The following SMCHD1 variants were observed in gnomAD, a reference collection of about 807,000 sequenced individuals.
The protein encoded by SMCHD1 is structural maintenance of chromosomes flexible hinge domain-containing protein 1.
Under a neutral mutation model 254.7 loss-of-function variants are expected in SMCHD1, and 78 were observed. That is an observed-to-expected ratio of 0.31 (90% confidence interval 0.26 to 0.37). SMCHD1 has a LOEUF of 0.37. Among genes scored for constraint, SMCHD1 ranks in the 10% least tolerant of loss-of-function variants. The pLI is 1.00. For synonymous variants in SMCHD1, 766 were observed against 794.9 expected (o/e 0.96, Z 0.61); for missense variants, 1,840 against 2,408.1 (o/e 0.76, Z 4.94).
chr18:2,694,727 T>A, intron 8 of SMCHD1, 34 bp downstream of exon 8: 1 of 1,586,058 alleles, frequency 6.3e-7, no homozygotes, highest in Non-Finnish European at 8.6e-7. Flanking sequence ...GAAATGTTGC[T>A]ACTTAACTTT....
In SMCHD1 at chr18:2,666,426, A is replaced by G. The variant is rs181862430; in HGVS notation, c.262+194A>G. Among the ~76,000 whole-genome samples, 28 of 152,362 alleles carry G rather than the reference A, an allele frequency of 1.8e-4. No individual in the cohort carries two copies. The East Asian group carries it at 5.4e-3, about 29-fold the overall frequency. On this transcript the variant is annotated intron_variant, in intron 2 of 47. Transcript: ENST00000320876. Reference sequence around the variant, plus strand: ...ATTTTTCAAGCTTGATTATAGAAAAATAGTTGATATCAGTTATGGCTACAG... The same window carrying G: ...ATTTTTCAAGCTTGATTATAGAAAAGTAGTTGATATCAGTTATGGCTACAG...
At chr18:2,755,363 G>A (rs567194598) in intron 34 of SMCHD1, among the ~76,000 whole-genome samples, 69 of 151,946 alleles carry the variant, frequency 4.5e-4, no homozygotes, top group African/African-American at 1.1e-3. Context: ...GTGGACTCAA[G>A]GTCTCATTGC....
At chr18:2,762,340 A>G in intron 36 of SMCHD1, 104 bp downstream of exon 36, 2 of 1,081,302 alleles carry the variant, frequency 1.8e-6, no homozygotes, top group African/African-American at 3.1e-5. Flanking sequence ...TACTCTGATT[A>G]AGGTTATAGG....
At chr18:2,680,040 A>T (rs1255798458) in intron 5 of SMCHD1, among the ~76,000 whole-genome samples, 1 of 152,064 alleles carries the variant, frequency 6.6e-6, no homozygotes, top group East Asian at 1.9e-4. Flanking sequence ...ATTTCTATTC[A>T]GTTCTTTTTT....
At chr18:2,662,897 A>G (rs2073334998) in intron 1 of SMCHD1, among the ~76,000 whole-genome samples, 1 of 152,166 alleles carries the variant, frequency 6.6e-6, no homozygotes, top group East Asian at 1.9e-4. Flanking sequence ...AAAGTATGCC[A>G]AATTAATTAC....
intron 47 of SMCHD1, among the ~76,000 whole-genome samples, chr18:2,801,692 T>G (rs1366193087): frequency 1.2e-4 from 19 of 152,192 alleles, no homozygotes; most frequent in Admixed American, 1.2e-3. Context: ...ATATGTATAC[T>G]GAATATATAT....
chr18:2,750,197 A>G, intron 31 of SMCHD1, 75 bp downstream of exon 31: 1 of 1,444,814 alleles, frequency 6.9e-7, no homozygotes, highest in Non-Finnish European at 9.5e-7. Flanking sequence ...AGTTACAGCT[A>G]ATGACTATCC....
chr18:2,786,269 C>T (rs540501629), intron 45 of SMCHD1, among the ~76,000 whole-genome samples: 18 of 152,238 alleles, frequency 1.2e-4, no homozygotes, highest in Middle Eastern at 3.4e-3. Flanking sequence ...GAATTACAGG[C>T]GTGAGGCACC....
At chr18:2,733,130 T>C (rs2075174881) in intron 25 of SMCHD1, among the ~76,000 whole-genome samples, 2 of 152,230 alleles carry the variant, frequency 1.3e-5, no homozygotes, top group Non-Finnish European at 2.9e-5. Flanking sequence ...CCTTTGATGG[T>C]TGACTGAAAG....
chr18:2,682,286 C>T (rs762469310), intron 5 of SMCHD1, among the ~76,000 whole-genome samples: 14 of 150,750 alleles, frequency 9.3e-5, no homozygotes, highest in Non-Finnish European at 1.9e-4. Context: ...ATCCTCTTCG[C>T]TGATAACTTT....
chr18:2,763,542 G>A, intron 36 of SMCHD1, 95 bp from the exon 37 acceptor site: 2 of 979,198 alleles, frequency 2.0e-6, no homozygotes, highest in Non-Finnish European at 2.9e-6. Context: ...TTTAATGTTG[G>A]GGGCTCTCTG....
At chr18:2,656,620 T>C (rs955905826) in intron 1 of SMCHD1, among the ~76,000 whole-genome samples, 2 of 152,270 alleles carry the variant, frequency 1.3e-5, no homozygotes, top group East Asian at 1.9e-4. Flanking sequence ...TGTCTGTTTT[T>C]ACTTTGTAAC....
At chr18:2,734,447 G>T (rs2075206257) in intron 25 of SMCHD1, among the ~76,000 whole-genome samples, 1 of 151,822 alleles carries the variant, frequency 6.6e-6, no homozygotes, top group Middle Eastern at 3.4e-3. Context: ...CTTCTTCATT[G>T]ACAGTAAAAG....
chr18:2,679,549 G>A (rs1231543269), intron 5 of SMCHD1, among the ~76,000 whole-genome samples: 4 of 144,464 alleles, frequency 2.8e-5, no homozygotes, highest in Non-Finnish European at 1.5e-5. Context: ...GAATATGTTC[G>A]TTCACTGCCT....
intron 1 of SMCHD1, among the ~76,000 whole-genome samples, chr18:2,662,165 CAAAAAA>C (rs748303423): frequency 5.0e-4 from 29 of 58,310 alleles, no homozygotes; most frequent in African/African-American, 1.5e-3. Flanking sequence ...GACTCCGTCT[CAAAAAA>C]AAAAAAATAA....
chr18:2,757,329 G>C (rs977903751), intron 34 of SMCHD1, among the ~76,000 whole-genome samples: 6 of 151,822 alleles, frequency 4.0e-5, no homozygotes, highest in South Asian at 4.2e-4. Flanking sequence ...TCCCACCTTA[G>C]TCTCCTTAGT....
intron 10 of SMCHD1, among the ~76,000 whole-genome samples, chr18:2,698,319 C>T (rs1379294809): frequency 1.3e-5 from 2 of 152,010 alleles, no homozygotes; most frequent in African/African-American, 4.8e-5. Flanking sequence ...TTATATGTTC[C>T]CTTGTCTTCT....
At chr18:2,694,330 T>C (rs2074244605) in intron 7 of SMCHD1, among the ~76,000 whole-genome samples, 197 bp from the exon 8 acceptor site, 1 of 152,266 alleles carries the variant, frequency 6.6e-6, no homozygotes, top group African/African-American at 2.4e-5. Flanking sequence ...TTTAGCAGTC[T>C]GTGTGAAAGT....
chr18:2,788,478 G>T (rs887213484), intron 45 of SMCHD1, among the ~76,000 whole-genome samples: 1 of 152,050 alleles, frequency 6.6e-6, no homozygotes, highest in Non-Finnish European at 1.5e-5. Context: ...TTAATTCTGG[G>T]TTATATAATT....
Sources: gnomAD v4.1 joint callset for allele counts (sites outside exome capture counted in the v4.1 genomes callset) on GRCh38, gnomAD v4.1.1 for gene constraint, MANE v1.5 for transcripts, NCBI Gene and HGNC (gene_info 2026-07-23, HGNC 2026-07-21) for gene names.